Variants in MAGI1 observed in about 807,000 individuals in gnomAD.
MAGI1 encodes membrane-associated guanylate kinase, WW and PDZ domain-containing protein 1.
A neutral mutation model predicts 139.9 loss-of-function variants in MAGI1; 58 were observed. The ratio of observed to expected loss-of-function variants is 0.41; its 90% CI spans 0.34 to 0.52. The LOEUF (loss-of-function observed/expected upper bound fraction) is 0.52. Ranked by LOEUF, MAGI1 falls within the 20% of genes least tolerant of loss-of-function variation. MAGI1 has a pLI of 0.12. For missense variants in MAGI1, 1,874 were observed against 1,901.6 expected, an observed-to-expected ratio of 0.99 and a Z score of 0.27; for synonymous variants, 812 against 737.9, an observed-to-expected ratio of 1.10 and a Z score of -1.63.
In MAGI1 at chr3:65,448,200, C is replaced by G. The variant is rs886427201; in HGVS notation, c.1043-143G>C. On this transcript the variant is annotated intron_variant, in intron 6 of 22. Coordinates refer to ENST00000402939, the MANE Select transcript of MAGI1 (RefSeq NM_001033057.2). ...TCCTTACCTGCATTGTGGCTTATTTCATTGGCTTGGATAGTAAACTTGCGA... is the reference window on the plus strand; with the variant it reads ...TCCTTACCTGCATTGTGGCTTATTTGATTGGCTTGGATAGTAAACTTGCGA... The G allele has an allele frequency of 5.1e-6, 4 of 777,408 alleles. No homozygotes were observed. In the African/African-American group the frequency reaches 6.8e-5, roughly 13 times the overall value. The allele number at this position is 777,408 out of a possible 1,614,324, so 48.2% of individuals were successfully genotyped here.
intron 6 of MAGI1, among the ~76,000 whole-genome samples, chr3:65,448,987 C>T (rs964336341): frequency 6.6e-6 from 1 of 152,068 alleles, no homozygotes; most frequent in Admixed American, 6.6e-5. Flanking sequence ...CCACAATACG[C>T]TCAGTGCCCA....
At chr3:65,952,004 G>C (rs1362225694) in intron 1 of MAGI1, among the ~76,000 whole-genome samples, 1 of 152,188 alleles carries the variant, frequency 6.6e-6, no homozygotes, top group Non-Finnish European at 1.5e-5. Flanking sequence ...AAATATCTGA[G>C]ATTCCTACTG....
At chr3:65,643,044 C>T (rs941691149) in intron 1 of MAGI1, among the ~76,000 whole-genome samples, 1 of 152,134 alleles carries the variant, frequency 6.6e-6, no homozygotes, top group African/African-American at 2.4e-5. Flanking sequence ...AAAATCAGTT[C>T]TTGGCTTAAA....
chr3:65,484,832 A>T (rs62255277), intron 3 of MAGI1, among the ~76,000 whole-genome samples: 1 of 152,070 alleles, frequency 6.6e-6, no homozygotes. Context: ...ATCAGTTCTT[A>T]TATGTTCTCA....
intron 1 of MAGI1, among the ~76,000 whole-genome samples, chr3:65,854,197 C>T (rs183253623): frequency 1.8e-3 from 267 of 148,462 alleles, no homozygotes; most frequent in Middle Eastern, 0.011. Flanking sequence ...AAAAAAGCAT[C>T]GGCTACTCAG....
intron 2 of MAGI1, among the ~76,000 whole-genome samples, chr3:65,542,202 C>A (rs1403692021): frequency 6.6e-6 from 1 of 152,122 alleles, no homozygotes. Context: ...CCTAGGAATA[C>A]AACTTACAAG....
chr3:65,579,756 A>C (rs1260839394), intron 2 of MAGI1, among the ~76,000 whole-genome samples: 1 of 151,850 alleles, frequency 6.6e-6, no homozygotes, highest in South Asian at 2.1e-4. Context: ...CTGAGGCAGG[A>C]GAATCACCTG....
intron 1 of MAGI1, among the ~76,000 whole-genome samples, chr3:65,867,922 T>C (rs1438674122): frequency 4.6e-5 from 7 of 152,116 alleles, no homozygotes; most frequent in Admixed American, 4.6e-4. Context: ...CTGAGGAGGA[T>C]GGGAACAGAT....
intron 1 of MAGI1, among the ~76,000 whole-genome samples, chr3:65,989,352 T>C (rs903517284): frequency 3.9e-5 from 6 of 152,218 alleles, no homozygotes; most frequent in Non-Finnish European, 5.9e-5. Context: ...CTGTACTCCA[T>C]TCCCATAAAT....
intron 2 of MAGI1, among the ~76,000 whole-genome samples, chr3:65,546,604 A>T (rs2079520110): frequency 6.6e-6 from 1 of 152,218 alleles, no homozygotes; most frequent in Non-Finnish European, 1.5e-5. Context: ...ATCAGAGAAG[A>T]TATTCATTCT....
chr3:65,364,568 A>T, intron 20 of MAGI1, 97 bp downstream of exon 20: 1 of 1,028,964 alleles, frequency 9.7e-7, no homozygotes, highest in Non-Finnish European at 1.5e-6. Flanking sequence ...TATTTCTTTT[A>T]AATTAAAGGT....
At chr3:65,705,567 A>G (rs1002136483) in intron 1 of MAGI1, among the ~76,000 whole-genome samples, 1 of 152,238 alleles carries the variant, frequency 6.6e-6, no homozygotes, top group Non-Finnish European at 1.5e-5. Flanking sequence ...CTTTATTCAC[A>G]TGGGGAGCAG....
chr3:65,958,049 G>A (rs1027733841), intron 1 of MAGI1, among the ~76,000 whole-genome samples: 7 of 152,032 alleles, frequency 4.6e-5, no homozygotes, highest in Non-Finnish European at 1.0e-4. Flanking sequence ...GTGAGCCACC[G>A]CGCCTGGCCT....
chr3:65,744,666 G>C (rs987261528), intron 1 of MAGI1, among the ~76,000 whole-genome samples: 1 of 151,692 alleles, frequency 6.6e-6, no homozygotes, highest in Non-Finnish European at 1.5e-5. Flanking sequence ...TCAATGATAA[G>C]AAAGACTGTC....
intron 1 of MAGI1, among the ~76,000 whole-genome samples, chr3:65,696,109 C>T (rs1304532152): frequency 6.6e-6 from 1 of 152,206 alleles, no homozygotes; most frequent in Non-Finnish European, 1.5e-5. Flanking sequence ...CTTTACTATT[C>T]TACAAATACA....
intron 4 of MAGI1, among the ~76,000 whole-genome samples, chr3:65,475,250 G>C (rs1313209665): frequency 6.6e-6 from 1 of 152,056 alleles, no homozygotes; most frequent in Non-Finnish European, 1.5e-5. Context: ...GTTTCACTCT[G>C]TCACCCAGGC....
chr3:65,566,167 T>C (rs2080625635), intron 2 of MAGI1, among the ~76,000 whole-genome samples: 1 of 151,668 alleles, frequency 6.6e-6, no homozygotes, highest in South Asian at 2.1e-4. Context: ...GGCAGAAGAA[T>C]CGCTTGAACC....
chr3:65,585,788 T>C (rs1459574026), intron 2 of MAGI1, among the ~76,000 whole-genome samples: 1 of 152,216 alleles, frequency 6.6e-6, no homozygotes, highest in Non-Finnish European at 1.5e-5. Flanking sequence ...TTAGCAACTT[T>C]ATTCTTAATT....
intron 1 of MAGI1, among the ~76,000 whole-genome samples, chr3:65,934,304 C>T (rs748009172): frequency 1.3e-5 from 2 of 150,868 alleles, no homozygotes; most frequent in Non-Finnish European, 2.9e-5. Context: ...GCTGGGTTGC[C>T]CAGGCTGGTC....
Sources: gnomAD v4.1 joint callset for allele counts (sites outside exome capture counted in the v4.1 genomes callset) on GRCh38, gnomAD v4.1.1 for gene constraint, MANE v1.5 for transcripts, NCBI Gene and HGNC (gene_info 2026-07-23, HGNC 2026-07-21) for gene names.